ROBO1: variants seen among roughly 807,000 people sequenced by gnomAD.
ROBO1 encodes roundabout homolog 1.
ROBO1 carries 149 observed loss-of-function variants against 195.9 expected under a neutral mutation model. The observed-to-expected ratio is 0.76, with a 90% CI of 0.67 to 0.87. The LOEUF (loss-of-function observed/expected upper bound fraction) is 0.87, where lower values mean the gene tolerates loss of function less well. Ranked by LOEUF, ROBO1 falls within the 40% of genes least tolerant of loss-of-function variation. ROBO1 has a pLI of 0.00. For synonymous variants in ROBO1, 816 were observed against 733.2 expected (o/e 1.11, Z -1.82); for missense variants, 1,933 against 2,068.3 (o/e 0.93, Z 1.27).
intron 3 of ROBO1, among the ~76,000 whole-genome samples, chr3:78,988,130 C>A (rs975982884): frequency 6.6e-6 from 1 of 152,118 alleles, no homozygotes; most frequent in African/African-American, 2.4e-5. Context: ...ATCATGTACA[C>A]AACCTAACTA....
chr3:78,976,491 G>T (rs1210008591), intron 3 of ROBO1, among the ~76,000 whole-genome samples: 6 of 152,100 alleles, frequency 3.9e-5, no homozygotes, highest in Non-Finnish European at 8.8e-5. Flanking sequence ...AGATTTACAT[G>T]CAGCCTATAT....
chr3:79,301,838 A>G (rs2032973240), intron 2 of ROBO1, among the ~76,000 whole-genome samples: 1 of 152,198 alleles, frequency 6.6e-6, no homozygotes, highest in Admixed American at 6.5e-5. Context: ...CTGACCTTGG[A>G]AACAGCTTTG....
chr3:79,532,648 A>T (rs959368965), intron 2 of ROBO1, among the ~76,000 whole-genome samples: 1 of 152,162 alleles, frequency 6.6e-6, no homozygotes, highest in East Asian at 1.9e-4. Context: ...AATCAAATAC[A>T]AATGCACATC....
At chr3:79,334,343 T>C (rs550794232) in intron 2 of ROBO1, among the ~76,000 whole-genome samples, 218 of 146,498 alleles carry the variant, frequency 1.5e-3, no homozygotes, top group Non-Finnish European at 2.5e-3. Flanking sequence ...TGTATATATA[T>C]GTATATATGT....
In ROBO1 at chr3:78,650,729, AG is replaced by A. The variant is rs199733113; in HGVS notation, c.2812+1002del. 8.8e-3 allele frequency among the ~76,000 whole-genome samples: 1,340 copies of A among 152,328 alleles called. 23 individuals are homozygous for A. The highest frequency in any genetic ancestry group is 0.031 in the African/African-American group (1,276 of 41,562). On this transcript the variant is annotated intron_variant, in intron 19 of 30. Coordinates refer to ENST00000464233, the MANE Select transcript of ROBO1 (RefSeq NM_002941.4). ...CCTCTTTAAATTTGCTTTGCAGCAA[AG>A]CAAAGCTGTTGCATTCGACTGAAGG...
intron 4 of ROBO1, among the ~76,000 whole-genome samples, chr3:78,888,000 C>T (rs1478501698): frequency 1.3e-5 from 2 of 152,106 alleles, no homozygotes; most frequent in African/African-American, 4.8e-5. Context: ...TGCTCTTAAT[C>T]CTCTTGTCTC....
chr3:78,606,862 G>C lies in ROBO1; in HGVS notation c.4615C>G (p.Gln1539Glu). 1.2e-6 allele frequency: 2 copies of C among 1,613,802 alleles called. No individual in the cohort carries two copies. The highest frequency in any genetic ancestry group is 1.7e-6 in the Non-Finnish European group (2 of 1,179,854). ...YKGREVLDGR[Q>E]VVDMRTNPGD... The stretch of plus-strand genomic sequence containing the variant: ...GGATTTGTTCGCATGTCAACAACCT[G>C]TCTTCCATCCAACACTTCTCTCCCC... Residue 1539 changes from glutamine to glutamate, a missense_variant, in exon 29 of 31, where the codon CAG becomes GAG. Around this residue, in one of 3 missense-constraint regions of ROBO1, gnomAD observed 1,737 missense variants for 1,882.5 expected, o/e 0.92. Transcript: ENST00000464233.
At chr3:79,510,449 C>A (rs571438842) in intron 2 of ROBO1, among the ~76,000 whole-genome samples, 1 of 152,132 alleles carries the variant, frequency 6.6e-6, no homozygotes, top group African/African-American at 2.4e-5. Flanking sequence ...ATTTCTTCAT[C>A]GCACCATGAG....
chr3:79,614,673 G>T (rs1944764734), intron 1 of ROBO1, among the ~76,000 whole-genome samples: 3 of 151,976 alleles, frequency 2.0e-5, no homozygotes, highest in Non-Finnish European at 4.4e-5. Context: ...TTTCTGTGCT[G>T]AAAACTTAAA....
chr3:79,713,729 C>G (rs935738267), intron 1 of ROBO1, among the ~76,000 whole-genome samples: 2 of 152,052 alleles, frequency 1.3e-5, no homozygotes, highest in Non-Finnish European at 2.9e-5. Context: ...GGTTTTAGGT[C>G]TAACATGTAA....
intron 3 of ROBO1, among the ~76,000 whole-genome samples, chr3:79,057,123 GA>G (rs1399292619): frequency 6.6e-6 from 1 of 151,982 alleles, no homozygotes; most frequent in Non-Finnish European, 1.5e-5. Flanking sequence ...ATTGACCAAA[GA>G]TCAGCCCATT....
chr3:79,690,768 A>G (rs1947275655), intron 1 of ROBO1, among the ~76,000 whole-genome samples: 2 of 151,934 alleles, frequency 1.3e-5, no homozygotes, highest in South Asian at 4.1e-4. Context: ...TCACTTATTC[A>G]CTTAATGAAT....
intron 2 of ROBO1, among the ~76,000 whole-genome samples, chr3:79,146,612 G>A (rs2080658718): frequency 6.6e-6 from 1 of 151,556 alleles, no homozygotes; most frequent in Non-Finnish European, 1.5e-5. Flanking sequence ...AGATATCTGT[G>A]GTAAATAACA....
chr3:79,567,287 A>G (rs1024222175), intron 2 of ROBO1, among the ~76,000 whole-genome samples: 1 of 152,130 alleles, frequency 6.6e-6, no homozygotes, highest in African/African-American at 2.4e-5. Flanking sequence ...AGTATCGGGC[A>G]CTAGGCTTAA....
chr3:79,717,872 G>T (rs1367354264), intron 1 of ROBO1, among the ~76,000 whole-genome samples: 1 of 152,032 alleles, frequency 6.6e-6, no homozygotes, highest in African/African-American at 2.4e-5. Flanking sequence ...GTATTTTTCT[G>T]TGGATTAAGT....
At chr3:79,154,938 C>T (rs999645697) in intron 2 of ROBO1, among the ~76,000 whole-genome samples, 43 of 151,750 alleles carry the variant, frequency 2.8e-4, no homozygotes, top group African/African-American at 1.0e-3. Context: ...AACCACCTCC[C>T]ATTTTTTATT....
intron 2 of ROBO1, among the ~76,000 whole-genome samples, chr3:79,432,609 C>T (rs1045353929): frequency 6.6e-6 from 1 of 152,088 alleles, no homozygotes. Context: ...TTATCTAATG[C>T]TTACTAAGCA....
chr3:78,971,382 A>T (rs1346036044), intron 3 of ROBO1, among the ~76,000 whole-genome samples: 1 of 152,122 alleles, frequency 6.6e-6, no homozygotes, highest in Admixed American at 6.5e-5. Context: ...TGTCCTAGCA[A>T]GACCCTGTCT....
chr3:78,982,679 A>AGT (rs2077022785), intron 3 of ROBO1, among the ~76,000 whole-genome samples: 1 of 151,632 alleles, frequency 6.6e-6, no homozygotes, highest in African/African-American at 2.4e-5. Context: ...CCCAGGCTGG[A>AGT]GTGTAGTGGC....
Sources: gnomAD v4.1 joint callset for allele counts (sites outside exome capture counted in the v4.1 genomes callset) on GRCh38, gnomAD v4.1.1 for gene constraint, gnomAD v4.1.1 regional missense constraint, MANE v1.5 for transcripts, NCBI Gene and HGNC (gene_info 2026-07-23, HGNC 2026-07-21) for gene names.